Variants in ZNF385D observed in about 807,000 individuals in gnomAD.
ZNF385D encodes zinc finger protein 385D.
A neutral mutation model predicts 35.8 loss-of-function variants in ZNF385D; 15 were observed. The ratio of observed to expected loss-of-function variants is 0.42; its 90% CI spans 0.28 to 0.64. The LOEUF is 0.64. ZNF385D is among the 30% of genes least tolerant of loss of function. The probability of loss-of-function intolerance (pLI) is 0.23; values close to 1 mark genes in which losing one functional copy is unlikely to be tolerated. For missense variants in ZNF385D, 474 were observed against 494.6 expected (o/e 0.96, Z 0.39); for synonymous variants, 212 against 186.8 (o/e 1.13, Z -1.10).
At chr3:21,946,667 A>G (rs1701802452) in intron 3 of ZNF385D, among the ~76,000 whole-genome samples, 1 of 152,030 alleles carries the variant, frequency 6.6e-6, no homozygotes, top group Non-Finnish European at 1.5e-5. Context: ...CTCCGTCTCT[A>G]TTAAAACTAC....
At chr3:21,461,412 G>T (rs898063937) in intron 4 of ZNF385D, among the ~76,000 whole-genome samples, 3 of 152,154 alleles carry the variant, frequency 2.0e-5, no homozygotes. Context: ...GCTGGGCGTC[G>T]TGGTGGGTGC....
chr3:21,450,337 A>T (rs1309903339), intron 4 of ZNF385D, among the ~76,000 whole-genome samples: 1 of 152,202 alleles, frequency 6.6e-6, no homozygotes, highest in Admixed American at 6.6e-5. Context: ...CAAATTGCCC[A>T]TTCTTTACCT....
intron 2 of ZNF385D, among the ~76,000 whole-genome samples, chr3:22,234,819 A>G (rs563176998): frequency 6.6e-6 from 1 of 152,190 alleles, no homozygotes; most frequent in South Asian, 2.1e-4. Context: ...GGGCCTGTAC[A>G]TTGTGAATGC....
intron 3 of ZNF385D, among the ~76,000 whole-genome samples, chr3:21,880,900 A>T (rs998987449): frequency 2.0e-5 from 3 of 151,850 alleles, no homozygotes; most frequent in Non-Finnish European, 4.4e-5. Flanking sequence ...TGGATAGAAG[A>T]TTAAACAAGC....
rs1433789253 is a variant in ZNF385D, at chr3:21,414,520, A to G, written c.*6694T>C. 2 of 152,144 alleles carry G rather than the reference A, an allele frequency of 1.3e-5. No individual in the cohort carries two copies. Among genetic ancestry groups the G allele is most frequent in the African/African-American group, 2.4e-5 (1 of 41,438 alleles). 9.4% of individuals were successfully genotyped at this position (152,144 alleles called of 1,614,324 possible). On this transcript the variant is annotated 3_prime_UTR_variant, in exon 8 of 8. Coordinates refer to ENST00000281523, the MANE Select transcript of ZNF385D (RefSeq NM_024697.3). ...ATTTTAAAACGACTTTATGAAATTT[A>G]TAGAAATATGGCTTAGATTTTGGAG...
intron 3 of ZNF385D, among the ~76,000 whole-genome samples, chr3:21,954,775 T>C (rs542838012): frequency 6.6e-6 from 1 of 152,282 alleles, no homozygotes; most frequent in South Asian, 2.1e-4. Context: ...TTTGGAATAA[T>C]GTTAGACATC....
At chr3:21,737,689 T>C (rs2069312995) in intron 1 of ZNF385D, among the ~76,000 whole-genome samples, 1 of 152,220 alleles carries the variant, frequency 6.6e-6, no homozygotes, top group Non-Finnish European at 1.5e-5. Context: ...AAATATTCTA[T>C]TGAACATATT....
intron 1 of ZNF385D, among the ~76,000 whole-genome samples, chr3:21,681,168 T>C (rs549762596): frequency 7.9e-5 from 12 of 151,108 alleles, no homozygotes; most frequent in Admixed American, 5.9e-4. Flanking sequence ...AGTATTATAC[T>C]GTTGAAAGAC....
At chr3:21,824,494 C>T (rs1339192173) in intron 3 of ZNF385D, among the ~76,000 whole-genome samples, 1 of 152,096 alleles carries the variant, frequency 6.6e-6, no homozygotes, top group Non-Finnish European at 1.5e-5. Flanking sequence ...TATGTACATA[C>T]ATTTATGTAC....
intron 3 of ZNF385D, among the ~76,000 whole-genome samples, chr3:22,147,363 A>C (rs887657254): frequency 6.6e-6 from 1 of 152,120 alleles, no homozygotes; most frequent in Non-Finnish European, 1.5e-5. Flanking sequence ...AGAGCAGTAC[A>C]TATGCTTTCG....
chr3:22,341,271 A>G (rs1695408588), intron 2 of ZNF385D, among the ~76,000 whole-genome samples: 1 of 152,234 alleles, frequency 6.6e-6, no homozygotes, highest in Non-Finnish European at 1.5e-5. Context: ...TAGAGTCCAC[A>G]GGCTAAATGT....
At chr3:22,095,599 G>T (rs1309452135) in intron 3 of ZNF385D, among the ~76,000 whole-genome samples, 5 of 151,946 alleles carry the variant, frequency 3.3e-5, no homozygotes, top group Admixed American at 1.3e-4. Flanking sequence ...ATCTCCTACT[G>T]TAACTAGTTT....
chr3:22,323,442 C>A (rs572914593), intron 2 of ZNF385D, among the ~76,000 whole-genome samples: 1 of 152,122 alleles, frequency 6.6e-6, no homozygotes, highest in Non-Finnish European at 1.5e-5. Flanking sequence ...CTAAGATTCC[C>A]TATACACACA....
At chr3:22,141,685 G>A (rs1051583984) in intron 3 of ZNF385D, among the ~76,000 whole-genome samples, 1 of 152,016 alleles carries the variant, frequency 6.6e-6, no homozygotes, top group Non-Finnish European at 1.5e-5. Context: ...GAGGAGGAGG[G>A]TAGCACATCA....
chr3:21,722,903 T>G (rs2068601442), intron 1 of ZNF385D, among the ~76,000 whole-genome samples: 1 of 152,202 alleles, frequency 6.6e-6, no homozygotes, highest in Admixed American at 6.5e-5. Context: ...TGTACTACTT[T>G]TGGATGTTGG....
intron 1 of ZNF385D, among the ~76,000 whole-genome samples, chr3:21,742,592 G>C (rs1218216278): frequency 6.6e-6 from 1 of 152,066 alleles, no homozygotes; most frequent in Non-Finnish European, 1.5e-5. Context: ...GCAATGGATT[G>C]GAGGGCAAGA....
At chr3:21,511,778 G>A (rs1204476613) in intron 3 of ZNF385D, 1 of 455,846 alleles carries the variant, frequency 2.2e-6, no homozygotes, top group South Asian at 1.6e-5. Flanking sequence ...TAGAGAGAGA[G>A]TTTAGAGTGA....
At chr3:21,706,590 T>G (rs2067907315) in intron 1 of ZNF385D, among the ~76,000 whole-genome samples, 1 of 152,152 alleles carries the variant, frequency 6.6e-6, no homozygotes, top group Non-Finnish European at 1.5e-5. Flanking sequence ...CATGTCTACT[T>G]TATAATGCTA....
intron 2 of ZNF385D, among the ~76,000 whole-genome samples, chr3:21,622,436 A>G (rs1041824548): frequency 1.3e-5 from 2 of 152,176 alleles, no homozygotes; most frequent in Admixed American, 1.3e-4. Flanking sequence ...AAGTGATGGA[A>G]TAAATTAAGG....
Sources: allele counts gnomAD v4.1 joint callset (sites outside exome capture counted in the v4.1 genomes callset), GRCh38; gene constraint gnomAD v4.1.1; transcripts MANE v1.5; gene names NCBI Gene and HGNC (gene_info 2026-07-23, HGNC 2026-07-21).